Variants in DMTF1 observed in about 807,000 individuals in gnomAD.
The protein encoded by DMTF1 is cyclin-D-binding Myb-like transcription factor 1.
A neutral mutation model predicts 91.1 loss-of-function variants in DMTF1; 39 were observed. The observed-to-expected ratio is 0.43, with a 90% confidence interval of 0.33 to 0.56. The LOEUF (loss-of-function observed/expected upper bound fraction) is 0.56, where lower values mean the gene tolerates loss of function less well. DMTF1 is among the 20% of genes least tolerant of loss of function. The pLI is 0.05. For missense variants in DMTF1, 750 were observed against 914.5 expected, an observed-to-expected ratio of 0.82 and a Z score of 2.32; for synonymous variants, 338 against 309.5, an observed-to-expected ratio of 1.09 and a Z score of -0.97.
intron 5 of DMTF1, among the ~76,000 whole-genome samples, chr7:87,172,748 T>G (rs979905611): frequency 6.6e-6 from 1 of 152,272 alleles, no homozygotes; most frequent in African/African-American, 2.4e-5. Flanking sequence ...TGTTGCCAGG[T>G]CTTCCTCATT....
At chr7:87,154,511 T>G (rs566144927) in intron 1 of DMTF1, 2 of 152,804 alleles carry the variant, frequency 1.3e-5, no homozygotes, top group African/African-American at 4.8e-5. Flanking sequence ...TTGCCCTGTC[T>G]TCATCAACAT....
chr7:87,188,989 T>G (rs1333185480), intron 13 of DMTF1, among the ~76,000 whole-genome samples: 2 of 152,190 alleles, frequency 1.3e-5, no homozygotes, highest in Non-Finnish European at 2.9e-5. Flanking sequence ...ATATGCTACC[T>G]GCATTTGAAA....
At chr7:87,154,247 G>C (rs1790097242) in intron 1 of DMTF1, 1 of 152,194 alleles carries the variant, frequency 6.6e-6, no homozygotes, top group Non-Finnish European at 1.5e-5. Flanking sequence ...AAACCAGCCT[G>C]ATTGTATCTG....
chr7:87,154,892 A>C (rs1212830608), intron 1 of DMTF1, among the ~76,000 whole-genome samples: 3 of 152,086 alleles, frequency 2.0e-5, no homozygotes, highest in Non-Finnish European at 4.4e-5. Flanking sequence ...AACAACAAAA[A>C]ACTTGCCTTT....
chr7:87,165,773 G>A (rs1396866756), intron 3 of DMTF1, among the ~76,000 whole-genome samples: 1 of 152,114 alleles, frequency 6.6e-6, no homozygotes, highest in Non-Finnish European at 1.5e-5. Context: ...ATTACTTAGT[G>A]TCCAGATCAT....
At chr7:87,174,349 T>TA (rs5885575) in intron 6 of DMTF1, among the ~76,000 whole-genome samples, 127,700 of 152,058 alleles carry the variant, frequency 0.84, 53,866 homozygotes, top group Middle Eastern at 0.96. Flanking sequence ...AGAGAGGTAA[T>TA]TTTTTTTAAA....
intron 12 of DMTF1, chr7:87,187,878 T>C (rs1231356438): frequency 2.7e-5 from 15 of 557,520 alleles, no homozygotes; most frequent in East Asian, 5.9e-5. Context: ...ATGGCAAGAA[T>C]AACAATATTA....
intron 7 of DMTF1, among the ~76,000 whole-genome samples, chr7:87,176,021 A>G (rs981779329): frequency 2.0e-5 from 3 of 152,210 alleles, no homozygotes; most frequent in African/African-American, 4.8e-5. Flanking sequence ...TCTAAAATGT[A>G]GATCATTAGC....
intron 1 of DMTF1, chr7:87,154,659 A>T (rs1790205858): frequency 6.6e-6 from 1 of 152,526 alleles, no homozygotes; most frequent in South Asian, 2.1e-4. Flanking sequence ...AAGAAATCAA[A>T]GTTTGGGCGT....
intron 9 of DMTF1, 45 bp from the exon 10 acceptor site, chr7:87,182,183 A>C: frequency 6.2e-7 from 1 of 1,613,524 alleles, no homozygotes; most frequent in Non-Finnish European, 8.5e-7. Flanking sequence ...ATTAAAAGGG[A>C]GAAAACAATT....
rs1260009861 is a variant in DMTF1, at chr7:87,166,507, ATAG to A, written c.137_139del (p.Ser46del). On this transcript the variant is annotated inframe_deletion, in exon 4 of 18. Coordinates refer to ENST00000331242, the MANE Select transcript of DMTF1 (RefSeq NM_001142327.2). ...GAAGCGGATGAAATAGACTCAGAAG[ATAG>A]TATTGAACCTCCACATAAAAGGCTT... The A allele has an allele frequency of 6.2e-7, 1 of 1,613,126 alleles. No individual in the cohort carries two copies. Among genetic ancestry groups the A allele is most frequent in the East Asian group, 2.2e-5 (1 of 44,822 alleles).
chr7:87,174,541 A>C (rs1795831485), intron 6 of DMTF1, 52 bp from the exon 7 acceptor site: 2 of 1,220,922 alleles, frequency 1.6e-6, no homozygotes, highest in Non-Finnish European at 1.2e-6. Flanking sequence ...TTGGTGTTTT[A>C]TTTCTTTCAA....
rs115370470 is a variant in DMTF1 at position 87,172,695 on chromosome 7, C to T, written c.328-840C>T. ...GTGGTCACTAAATACGTGACTCTTC[C>T]CTTATTCTGCTTACGATAGGCTAAT... is the stretch of plus-strand genomic sequence containing the variant. On this transcript the variant is annotated intron_variant, in intron 5 of 17. Coordinates refer to ENST00000331242, the MANE Select transcript of DMTF1 (RefSeq NM_001142327.2). Among the ~76,000 whole-genome samples, 307 of 152,294 alleles carry T rather than the reference C, an allele frequency of 2.0e-3. 2 individuals are homozygous for T. Among genetic ancestry groups the T allele is most frequent in the African/African-American group, 7.2e-3 (298 of 41,562 alleles).
At chr7:87,170,795 C>G (rs1336989821) in intron 4 of DMTF1, among the ~76,000 whole-genome samples, 200 bp from the exon 5 acceptor site, 1 of 152,140 alleles carries the variant, frequency 6.6e-6, no homozygotes, top group East Asian at 1.9e-4. Flanking sequence ...CTGCTATATC[C>G]CCAGCACCCA....
chr7:87,180,724 C>T (rs1797144628), intron 8 of DMTF1, among the ~76,000 whole-genome samples: 1 of 151,836 alleles, frequency 6.6e-6, no homozygotes. Context: ...AACTGTTAGA[C>T]AGCATAGGAG....
Position 87,162,443 on chromosome 7 carries a change from A to G in DMTF1, c.-131-1052A>G, listed in dbSNP as rs187834257. On this transcript the variant is annotated intron_variant, in intron 1 of 17. Transcript: ENST00000331242. Reference sequence around the variant, plus strand: ...CTTTTCAATCTGAGCAGATTCTAAAAAGCAGGATATAAAATTGCACAATAC... The same window carrying G: ...CTTTTCAATCTGAGCAGATTCTAAAGAGCAGGATATAAAATTGCACAATAC... 2.8e-4 allele frequency among the ~76,000 whole-genome samples: 42 copies of G among 152,304 alleles called. No homozygotes were observed. In the East Asian group the frequency reaches 6.8e-3, roughly 25 times the overall value.
rs1315517951 is a variant in DMTF1, at chr7:87,196,302, G to GAAAT, written c.*1166_*1169dup. On this transcript the variant is annotated 3_prime_UTR_variant, in exon 18 of 18. Coordinates refer to ENST00000331242, the MANE Select transcript of DMTF1 (RefSeq NM_001142327.2). ...GAACAATTGTATATTCAGTTTAACAGAAATAAAAGAATATTTGTCTTAAGA... is the reference window on the plus strand; with the variant it reads ...GAACAATTGTATATTCAGTTTAACAGAAATAAATAAAAGAATATTTGTCTTAAGA... 1.6e-5 allele frequency: 3 copies of GAAAT among 189,934 alleles called. No individual in the cohort carries two copies. The highest frequency in any genetic ancestry group is 7.1e-5 in the African/African-American group (3 of 42,338). 11.8% of individuals were successfully genotyped at this position (189,934 alleles called of 1,614,324 possible).
chr7:87,193,889 C>G lies in DMTF1; in HGVS notation c.1815C>G (p.Asp605Glu), dbSNP rs145593982. Residue 605 changes from aspartate to glutamate, a missense_variant, in exon 16 of 18, where the codon GAC becomes GAG. Transcript: ENST00000331242. Reference sequence around the variant, plus strand: ...CATCTGATTTTCCTGAGCCTCCAGACGCCCTAGAAGCAGACACTTTCCCAG... The same window carrying G: ...CATCTGATTTTCCTGAGCCTCCAGAGGCCCTAGAAGCAGACACTTTCCCAG... ...IQSSDFPEPP[D>E]ALEADTFPDE... 1 of 1,613,188 alleles carries G rather than the reference C, an allele frequency of 6.2e-7. No individual in the cohort carries two copies. The highest frequency in any genetic ancestry group is 2.2e-5 in the East Asian group (1 of 44,856).
rs1175206195 is a variant in DMTF1 at position 87,195,352 on chromosome 7, A to T, written c.*212A>T. 3 of 415,824 alleles carry T rather than the reference A, an allele frequency of 7.2e-6. No individual in the cohort carries two copies. The highest frequency in any genetic ancestry group is 1.3e-5 in the Non-Finnish European group (3 of 232,308). The allele number at this position is 415,824 out of a possible 1,614,324, so 25.8% of individuals were successfully genotyped here. A position where few individuals can be genotyped will look rare whatever the true frequency, so the allele number is the denominator to read the frequency against. ...TTTATGACAGTATGTAGTTGAGTGG[A>T]GGCTGGGAGTTTTAAGCATAAATCC... On this transcript the variant is annotated 3_prime_UTR_variant, in exon 18 of 18. Transcript: ENST00000331242.
Sources: allele counts gnomAD v4.1 joint callset (sites outside exome capture counted in the v4.1 genomes callset), GRCh38; gene constraint gnomAD v4.1.1; transcripts MANE v1.5; gene names NCBI Gene and HGNC (gene_info 2026-07-23, HGNC 2026-07-21).